The following MOGAT1 variants were observed in gnomAD, a reference collection of about 807,000 sequenced individuals.
MOGAT1 encodes the protein monoacylglycerol O-acyltransferase 1, also known as 2-acylglycerol O-acyltransferase 1.
A neutral mutation model predicts 31.4 loss-of-function variants in MOGAT1; 32 were observed. The observed-to-expected ratio is 1.02, with a 90% confidence interval of 0.77 to 1.37. MOGAT1 has a LOEUF of 1.37. Among genes scored for constraint, MOGAT1 ranks in the 40% most tolerant of loss-of-function variants. The pLI, the probability that MOGAT1 is intolerant of heterozygous loss-of-function variation, is 0.00. For missense variants in MOGAT1, 426 were observed against 402.0 expected (o/e 1.06, Z -0.51); for synonymous variants, 145 against 144.5 (o/e 1.00, Z -0.03).
chr2:222,698,855 G>A (rs7587974), intron 5 of MOGAT1: 38,149 of 152,708 alleles, frequency 0.25, 4,854 homozygotes, highest in Middle Eastern at 0.34. Flanking sequence ...GCCATTGCCC[G>A]GGTGGAAGAG....
In MOGAT1 at chr2:222,697,933, C is replaced by T. The variant is rs1379321521; in HGVS notation, c.853+2645C>T. 1.3e-5 allele frequency among the ~76,000 whole-genome samples: 2 copies of T among 151,872 alleles called. 1 individual carries two copies. The highest frequency in any genetic ancestry group is 1.3e-4 in the Admixed American group (2 of 15,234). On this transcript the variant is annotated intron_variant, in intron 5 of 5. Coordinates refer to ENST00000446656, the MANE Select transcript of MOGAT1 (RefSeq NM_058165.3). ...AATGTGCCGATGTTGTAACAAGGTT[C>T]AGAGGGTGGCACATTTCACATGTGC...
chr2:222,693,471 C>A (rs891889962), intron 3 of MOGAT1, among the ~76,000 whole-genome samples: 3 of 138,784 alleles, frequency 2.2e-5, no homozygotes, highest in African/African-American at 2.7e-5. Context: ...TTTTTTTTAA[C>A]CATTTTGTAT....
chr2:222,702,823 C>CA (rs202181910), intron 5 of MOGAT1, among the ~76,000 whole-genome samples: 6,136 of 132,920 alleles, frequency 0.046, 156 homozygotes, highest in Non-Finnish European at 0.059. Context: ...GACTTTGTCT[C>CA]AAAAAAAAAA....
chr2:222,706,627 C>G (rs1206048312), intron 5 of MOGAT1, among the ~76,000 whole-genome samples: 1 of 152,152 alleles, frequency 6.6e-6, no homozygotes, highest in African/African-American at 2.4e-5. Context: ...TCAGAATGTA[C>G]GAGTACTAGC....
At chr2:222,704,343 G>A (rs1033046993) in intron 5 of MOGAT1, among the ~76,000 whole-genome samples, 1 of 152,046 alleles carries the variant, frequency 6.6e-6, no homozygotes, top group Non-Finnish European at 1.5e-5. Flanking sequence ...AGAGTATCCC[G>A]GCCAGGCGCG....
At chr2:222,671,954 T>C in intron 1 of MOGAT1, 75 bp downstream of exon 1, 2 of 1,206,096 alleles carry the variant, frequency 1.7e-6, no homozygotes, top group Non-Finnish European at 2.4e-6. Flanking sequence ...TTCCAGGACC[T>C]GCATAGAACC....
chr2:222,704,008 C>G (rs1464989424), intron 5 of MOGAT1, among the ~76,000 whole-genome samples: 1 of 152,076 alleles, frequency 6.6e-6, no homozygotes, highest in Non-Finnish European at 1.5e-5. Flanking sequence ...ACATGCATAA[C>G]TAATCTTGAA....
Position 222,695,269 on chromosome 2 carries a change from G to A in MOGAT1, c.834G>A (p.Arg278=). The change falls in exon 5 of 6, where the codon AGG becomes AGA. Residue 278 remains arginine, a synonymous_variant. Transcript: ENST00000446656. ...ACAATTTTGGCCTAATGACCTATAG[G>A]AAAGCCATCCACACTGTTGGTATGT... ...FQYNFGLMTY[R]KAIHTVVGRP... 2 of 1,604,064 alleles carry A rather than the reference G, an allele frequency of 1.2e-6. No individual in the cohort carries two copies. The highest frequency in any genetic ancestry group is 1.7e-6 in the Non-Finnish European group (2 of 1,172,302).
At chr2:222,673,832 A>G (rs1357966613) in intron 1 of MOGAT1, among the ~76,000 whole-genome samples, 1 of 152,184 alleles carries the variant, frequency 6.6e-6, no homozygotes, top group Non-Finnish European at 1.5e-5. Context: ...CTTAGTCTAC[A>G]AGCTTAGTGA....
At chr2:222,672,893 TTA>T (rs1692441003) in intron 1 of MOGAT1, among the ~76,000 whole-genome samples, 16 of 110,796 alleles carry the variant, frequency 1.4e-4, no homozygotes, top group Admixed American at 1.1e-3. Flanking sequence ...AATTTGTTTA[TTA>T]TTATTATTAT....
chr2:222,707,308 GAGGA>G (rs1335541002), intron 5 of MOGAT1, among the ~76,000 whole-genome samples: 10 of 145,402 alleles, frequency 6.9e-5, no homozygotes, highest in African/African-American at 2.3e-4. Context: ...GGAAAGGAGG[GAGGA>G]AGGAAGGAAG....
intron 3 of MOGAT1, among the ~76,000 whole-genome samples, chr2:222,690,264 A>G (rs1350459362): frequency 6.6e-6 from 1 of 152,210 alleles, no homozygotes; most frequent in Non-Finnish European, 1.5e-5. Context: ...CAATTAAAAA[A>G]ATAAATAAAA....
At chr2:222,690,809 C>T (rs1414881530) in intron 3 of MOGAT1, among the ~76,000 whole-genome samples, 1 of 152,202 alleles carries the variant, frequency 6.6e-6, no homozygotes, top group Admixed American at 6.5e-5. Context: ...GGTGCACTAT[C>T]CCCCTCTTAA....
chr2:222,671,735 C>T lies in MOGAT1; in HGVS notation c.-51C>T. The T allele has an allele frequency of 1.4e-6, 2 of 1,463,712 alleles. No homozygotes were observed. The highest frequency in any genetic ancestry group is 1.9e-6 in the Non-Finnish European group (2 of 1,069,624). 90.7% of individuals were successfully genotyped at this position (1,463,712 alleles called of 1,614,324 possible). On this transcript the variant is annotated 5_prime_UTR_variant, in exon 1 of 6. Coordinates refer to ENST00000446656, the MANE Select transcript of MOGAT1 (RefSeq NM_058165.3). ...GGCACTTCCCACAGGCGCCGCAGAG[C>T]AGCGTGGGTGCAGGCTGCAGTGGCT...
chr2:222,682,144 GCACA>G (rs1437496813), intron 1 of MOGAT1, among the ~76,000 whole-genome samples: 17 of 151,994 alleles, frequency 1.1e-4, no homozygotes, highest in African/African-American at 3.6e-4. Context: ...ACATACGTGT[GCACA>G]CACACACTTT....
chr2:222,694,255 T>C, intron 3 of MOGAT1, 107 bp from the exon 4 acceptor site: 1 of 1,001,622 alleles, frequency 1.0e-6, no homozygotes, highest in Non-Finnish European at 1.4e-6. Flanking sequence ...AGGTAAGCAG[T>C]GTAGGAAATT....
At chr2:222,697,516 G>T (rs549481005) in intron 5 of MOGAT1, among the ~76,000 whole-genome samples, 31 of 151,220 alleles carry the variant, frequency 2.0e-4, no homozygotes, top group Non-Finnish European at 4.0e-4. Context: ...ATGGAACTGA[G>T]TTGGGGATAT....
intron 1 of MOGAT1, among the ~76,000 whole-genome samples, chr2:222,673,202 C>T (rs566515584): frequency 6.6e-6 from 1 of 151,582 alleles, no homozygotes; most frequent in African/African-American, 2.4e-5. Context: ...CGTGAGCCAC[C>T]GCGCCCGGCT....
intron 3 of MOGAT1, 72 bp from the exon 4 acceptor site, chr2:222,694,289 TG>T: frequency 7.5e-7 from 1 of 1,337,166 alleles, no homozygotes; most frequent in Non-Finnish European, 1.0e-6. Flanking sequence ...ACTATTGTCA[TG>T]GAATATTATG....
Sources: allele counts gnomAD v4.1 joint callset (sites outside exome capture counted in the v4.1 genomes callset), GRCh38; gene constraint gnomAD v4.1.1; transcripts MANE v1.5; gene names NCBI Gene and HGNC (gene_info 2026-07-23, HGNC 2026-07-21).